The following SLC35F3 variants were observed in gnomAD, a reference collection of about 807,000 sequenced individuals.
The protein encoded by SLC35F3 is solute carrier family 35 member F3.
SLC35F3 carries 25 observed loss-of-function variants against 49.9 expected under a neutral mutation model. That is an observed-to-expected ratio of 0.50 (90% CI 0.37 to 0.70). The LOEUF is 0.70. Ranked by LOEUF, SLC35F3 falls within the 30% of genes least tolerant of loss-of-function variation. The pLI, the probability that SLC35F3 is intolerant of heterozygous loss-of-function variation, is 0.00. For missense variants in SLC35F3, 525 were observed against 639.8 expected, an observed-to-expected ratio of 0.82 and a Z score of 1.94; for synonymous variants, 275 against 265.4, an observed-to-expected ratio of 1.04 and a Z score of -0.35.
chr1:234,223,605 A>G (rs1667242105), intron 2 of SLC35F3, among the ~76,000 whole-genome samples: 3 of 152,232 alleles, frequency 2.0e-5, no homozygotes, highest in Admixed American at 6.5e-5. Context: ...AATATTTATA[A>G]CCCAATAAAG....
chr1:233,955,157 G>C (rs905988257), intron 2 of SLC35F3, among the ~76,000 whole-genome samples: 1 of 151,988 alleles, frequency 6.6e-6, no homozygotes, highest in African/African-American at 2.4e-5. Flanking sequence ...CTTCTTATGT[G>C]AAAAAAATCA....
At chr1:234,213,479 A>T (rs1438947909) in intron 2 of SLC35F3, 1 of 152,258 alleles carries the variant, frequency 6.6e-6, no homozygotes, top group Non-Finnish European at 1.5e-5. Context: ...ACCTCTGATG[A>T]TGCACTGTCA....
Position 233,947,341 on chromosome 1 carries a change from GGA to G in SLC35F3, c.283+41603_283+41604del, listed in dbSNP as rs148848593. Among the ~76,000 whole-genome samples the G allele has an allele frequency of 9.1e-3, 1,354 of 149,608 alleles. 14 individuals are homozygous for G. The highest frequency in any genetic ancestry group is 0.029 in the African/African-American group (1,177 of 41,014). On this transcript the variant is annotated intron_variant, in intron 2 of 7. Coordinates refer to ENST00000366618, the MANE Select transcript of SLC35F3 (RefSeq NM_173508.4). Reference sequence around the variant, plus strand: ...ATACTCCCTGAAACAGTAAGAGGGAGGAGAGAGAGAGAGAGAGAGAGGAAGAA... The same window carrying G: ...ATACTCCCTGAAACAGTAAGAGGGAGGAGAGAGAGAGAGAGAGAGGAAGAA...
intron 2 of SLC35F3, among the ~76,000 whole-genome samples, chr1:234,001,920 C>T (rs141076756): frequency 1.7e-3 from 257 of 152,192 alleles, no homozygotes; most frequent in Non-Finnish European, 2.1e-3. Context: ...CCTAAATTTC[C>T]AAAGGCTTAC....
intron 2 of SLC35F3, among the ~76,000 whole-genome samples, chr1:234,217,211 C>T (rs1667135367): frequency 6.6e-6 from 1 of 152,126 alleles, no homozygotes; most frequent in African/African-American, 2.4e-5. Context: ...AAGAAGGCAC[C>T]AGCATGTGGT....
intron 2 of SLC35F3, among the ~76,000 whole-genome samples, chr1:234,013,951 G>A (rs1002510246): frequency 1.3e-5 from 2 of 151,818 alleles, no homozygotes; most frequent in South Asian, 2.1e-4. Flanking sequence ...CAAAAATTAT[G>A]AGGAAAGCCA....
chr1:234,175,002 A>G (rs1466334859), intron 2 of SLC35F3, among the ~76,000 whole-genome samples: 2 of 152,254 alleles, frequency 1.3e-5, no homozygotes, highest in Non-Finnish European at 2.9e-5. Flanking sequence ...CTGAGATACT[A>G]GCAGACTCGT....
chr1:234,205,250 T>G (rs1283347374), intron 2 of SLC35F3, among the ~76,000 whole-genome samples: 1 of 152,240 alleles, frequency 6.6e-6, no homozygotes, highest in African/African-American at 2.4e-5. Context: ...GGTCTCAGCA[T>G]GTCCTGCCTT....
At chr1:234,077,951 C>A (rs978520342) in intron 2 of SLC35F3, among the ~76,000 whole-genome samples, 1 of 152,150 alleles carries the variant, frequency 6.6e-6, no homozygotes, top group African/African-American at 2.4e-5. Flanking sequence ...TGAAAGATGT[C>A]AGGGAGGAAT....
intron 2 of SLC35F3, among the ~76,000 whole-genome samples, chr1:234,181,352 A>AAAAG (rs1238641594): frequency 5.3e-5 from 8 of 151,150 alleles, no homozygotes; most frequent in Non-Finnish European, 4.4e-5. Context: ...AAAAAAAAAA[A>AAAAG]AAAGAAAGAA....
In SLC35F3 at chr1:234,105,054, G is replaced by T. The variant is rs537504882; in HGVS notation, c.284-126363G>T. Among the ~76,000 whole-genome samples the T allele has an allele frequency of 2.0e-5, 3 of 151,842 alleles. No homozygotes were observed. The East Asian group carries it at 5.8e-4, about 29-fold the overall frequency. Reference sequence around the variant, plus strand: ...GAGGCAGGAGAATGGCGTGAACCGGGGAGGCAAAGCTTGCAGTCAGCCGAG... The same window carrying T: ...GAGGCAGGAGAATGGCGTGAACCGGTGAGGCAAAGCTTGCAGTCAGCCGAG... On this transcript the variant is annotated intron_variant, in intron 2 of 7. Coordinates refer to ENST00000366618, the MANE Select transcript of SLC35F3 (RefSeq NM_173508.4).
intron 2 of SLC35F3, among the ~76,000 whole-genome samples, chr1:234,078,615 G>A (rs1664831892): frequency 6.6e-6 from 1 of 152,162 alleles, no homozygotes; most frequent in South Asian, 2.1e-4. Flanking sequence ...TTCCTTTGCA[G>A]GCCCTTTCTT....
intron 2 of SLC35F3, among the ~76,000 whole-genome samples, chr1:234,012,026 C>T (rs534119235): frequency 3.9e-5 from 6 of 152,172 alleles, no homozygotes; most frequent in South Asian, 2.1e-4. Flanking sequence ...AAGAAGAATG[C>T]GGTAGGAGAG....
At chr1:234,289,020 T>C (rs1668465327) in intron 3 of SLC35F3, among the ~76,000 whole-genome samples, 1 of 152,114 alleles carries the variant, frequency 6.6e-6, no homozygotes, top group African/African-American at 2.4e-5. Context: ...CTCACAGTAA[T>C]CCAGGGGAAA....
intron 3 of SLC35F3, among the ~76,000 whole-genome samples, chr1:234,257,595 A>G (rs371917878): frequency 4.6e-5 from 7 of 152,358 alleles, no homozygotes; most frequent in African/African-American, 1.7e-4. Context: ...GTACTTCTAT[A>G]TTGCATTATA....
intron 2 of SLC35F3, among the ~76,000 whole-genome samples, chr1:233,928,148 G>T (rs1662189029): frequency 6.6e-6 from 1 of 151,964 alleles, no homozygotes; most frequent in Non-Finnish European, 1.5e-5. Flanking sequence ...CTCACATGTT[G>T]CCAGCAATAA....
intron 2 of SLC35F3, among the ~76,000 whole-genome samples, chr1:234,010,904 G>A (rs544779644): frequency 6.6e-6 from 1 of 152,292 alleles, no homozygotes; most frequent in African/African-American, 2.4e-5. Context: ...TCATCAAAAG[G>A]ATATAACAAT....
At chr1:234,235,868 G>A (rs1374114483) in intron 3 of SLC35F3, among the ~76,000 whole-genome samples, 2 of 152,140 alleles carry the variant, frequency 1.3e-5, no homozygotes, top group Non-Finnish European at 2.9e-5. Flanking sequence ...CCAGACTTAC[G>A]CAGGAACCAT....
chr1:234,073,282 T>C (rs1328269891), intron 2 of SLC35F3, among the ~76,000 whole-genome samples: 2 of 152,128 alleles, frequency 1.3e-5, no homozygotes, highest in Non-Finnish European at 2.9e-5. Flanking sequence ...TATGTGGAAC[T>C]ATAGCCATGA....
Sources: gnomAD v4.1 joint callset for allele counts (sites outside exome capture counted in the v4.1 genomes callset) on GRCh38, gnomAD v4.1.1 for gene constraint, MANE v1.5 for transcripts, NCBI Gene and HGNC (gene_info 2026-07-23, HGNC 2026-07-21) for gene names.